KCNMA1: variants seen among roughly 807,000 people sequenced by gnomAD.
KCNMA1 encodes Calcium-activated potassium channel subunit alpha-1.
Under a neutral mutation model 140.0 loss-of-function variants are expected in KCNMA1, and 29 were observed. That is an observed-to-expected ratio of 0.21 (90% confidence interval 0.15 to 0.28). The LOEUF is 0.28. Among genes scored for constraint, KCNMA1 ranks in the 10% least tolerant of loss-of-function variants. The pLI is 1.00. For synonymous variants in KCNMA1, 612 were observed against 611.9 expected (o/e 1.00, Z 0.00); for missense variants, 880 against 1,602.2 (o/e 0.55, Z 7.70).
intron 1 of KCNMA1, among the ~76,000 whole-genome samples, chr10:77,451,244 G>A (rs2097651159): frequency 6.6e-6 from 1 of 152,120 alleles, no homozygotes; most frequent in African/African-American, 2.4e-5. Context: ...GTGACATCCC[G>A]GAATTAAACA....
chr10:77,040,182 T>A (rs147763858), intron 14 of KCNMA1, among the ~76,000 whole-genome samples: 4 of 152,046 alleles, frequency 2.6e-5, no homozygotes, highest in Non-Finnish European at 4.4e-5. Context: ...GCACAGTCTT[T>A]AATCTGTATG....
At chr10:76,880,801 C>A (rs909982633), downstream of KCNMA1, among the ~76,000 whole-genome samples, 55 of 152,198 alleles carry the variant, frequency 3.6e-4, no homozygotes, top group African/African-American at 1.3e-3. Flanking sequence ...AAATCCCTGA[C>A]TTTATCTCCA....
intron 16 of KCNMA1, among the ~76,000 whole-genome samples, chr10:77,021,513 T>C (rs1323079163): frequency 6.6e-6 from 1 of 152,210 alleles, no homozygotes; most frequent in Admixed American, 6.5e-5. Context: ...AGGTGCCCTA[T>C]TGGCATTGAA....
At chr10:77,011,411 C>G (rs1024074444) in intron 18 of KCNMA1, among the ~76,000 whole-genome samples, 1 of 152,148 alleles carries the variant, frequency 6.6e-6, no homozygotes, top group African/African-American at 2.4e-5. Context: ...GACCTTTGGA[C>G]GATGGCAACT....
intron 2 of KCNMA1, among the ~76,000 whole-genome samples, chr10:77,327,912 C>T (rs1034827072): frequency 1.3e-5 from 2 of 152,130 alleles, no homozygotes; most frequent in African/African-American, 4.8e-5. Context: ...GTCAACACAA[C>T]CCCAGGAAAT....
intron 1 of KCNMA1, among the ~76,000 whole-genome samples, chr10:77,520,869 G>A (rs1252390524): frequency 6.6e-6 from 1 of 152,138 alleles, no homozygotes; most frequent in Non-Finnish European, 1.5e-5. Context: ...CTCCAGCTGG[G>A]TCTTTACAGA....
chr10:77,407,021 T>A (rs757534504), intron 1 of KCNMA1, among the ~76,000 whole-genome samples: 2 of 152,216 alleles, frequency 1.3e-5, no homozygotes, highest in Admixed American at 6.5e-5. Context: ...ATGTGGCAGA[T>A]AATGCTATTT....
intron 6 of KCNMA1, among the ~76,000 whole-genome samples, chr10:77,117,316 A>T (rs984274832): frequency 6.6e-6 from 1 of 152,056 alleles, no homozygotes; most frequent in African/African-American, 2.4e-5. Context: ...TGGGAGGCCA[A>T]AGTGGGCAGA....
At chr10:77,102,346 G>A (rs1296770255) in intron 9 of KCNMA1, among the ~76,000 whole-genome samples, 8 of 152,210 alleles carry the variant, frequency 5.3e-5, no homozygotes, top group Non-Finnish European at 8.8e-5. Flanking sequence ...GGAATTCCAC[G>A]TTGATACAAG....
intron 2 of KCNMA1, among the ~76,000 whole-genome samples, chr10:77,298,622 A>AT (rs1565820159): frequency 6.6e-6 from 1 of 150,924 alleles, no homozygotes; most frequent in Non-Finnish European, 1.5e-5. Context: ...CTAACTGAAA[A>AT]AAAAATCTCC....
chr10:77,543,877 G>A (rs1038468358), intron 1 of KCNMA1, among the ~76,000 whole-genome samples: 1 of 152,066 alleles, frequency 6.6e-6, no homozygotes, highest in Non-Finnish European at 1.5e-5. Flanking sequence ...TATAACATGG[G>A]CTCAAAAGTC....
intron 1 of KCNMA1, among the ~76,000 whole-genome samples, chr10:77,490,612 A>T (rs775010477): frequency 5.3e-5 from 8 of 152,214 alleles, no homozygotes; most frequent in Non-Finnish European, 7.3e-5. Flanking sequence ...TAATCTTCAC[A>T]ATAGACCTAG....
intron 14 of KCNMA1, among the ~76,000 whole-genome samples, chr10:77,046,304 T>C (rs2095052009): frequency 6.6e-6 from 1 of 152,228 alleles, no homozygotes; most frequent in Non-Finnish European, 1.5e-5. Context: ...TATAATAAGA[T>C]TGTCTGAAAC....
At chr10:77,534,078 C>A (rs2058323551) in intron 1 of KCNMA1, among the ~76,000 whole-genome samples, 1 of 152,190 alleles carries the variant, frequency 6.6e-6, no homozygotes, top group Non-Finnish European at 1.5e-5. Flanking sequence ...AGGCTTCCCC[C>A]TCAGGGCGTT....
intron 2 of KCNMA1, among the ~76,000 whole-genome samples, chr10:77,383,711 G>A (rs911656473): frequency 6.6e-6 from 1 of 151,958 alleles, no homozygotes; most frequent in Non-Finnish European, 1.5e-5. Flanking sequence ...TTACAGCATT[G>A]TTGCTTTTTT....
intron 1 of KCNMA1, among the ~76,000 whole-genome samples, chr10:77,505,990 T>G (rs926738534): frequency 1.3e-5 from 2 of 152,132 alleles, no homozygotes; most frequent in Non-Finnish European, 2.9e-5. Flanking sequence ...ATTTGGCAAC[T>G]GACTAGAGAA....
intron 3 of KCNMA1, among the ~76,000 whole-genome samples, chr10:77,197,692 G>T (rs1184494674): frequency 6.6e-6 from 1 of 152,180 alleles, no homozygotes; most frequent in Non-Finnish European, 1.5e-5. Context: ...CTTGGGCAGT[G>T]CAGGAAAAGA....
At chr10:77,230,140 C>T (rs2053085522) in intron 3 of KCNMA1, among the ~76,000 whole-genome samples, 1 of 152,184 alleles carries the variant, frequency 6.6e-6, no homozygotes, top group Admixed American at 6.5e-5. Context: ...ATACGTGCTA[C>T]AACGTGGATG....
At chr10:76,875,692 A>G (rs1223030020), downstream of KCNMA1, 1 of 152,290 alleles carries the variant, frequency 6.6e-6, no homozygotes, top group African/African-American at 2.4e-5. Context: ...CACGAAGGAA[A>G]GAAGAGCGTG....
Sources: allele counts gnomAD v4.1 joint callset (sites outside exome capture counted in the v4.1 genomes callset), GRCh38; gene constraint gnomAD v4.1.1; transcripts MANE v1.5; gene names NCBI Gene and HGNC (gene_info 2026-07-23, HGNC 2026-07-21).